The following TMLHE variants were observed in gnomAD, a reference collection of about 807,000 sequenced individuals.
TMLHE encodes trimethyllysine hydroxylase, epsilon.
In TMLHE, 18 loss-of-function variants were observed where a neutral mutation model predicts 25.7. That is an observed-to-expected ratio of 0.70 (90% CI 0.48 to 1.04). TMLHE has a LOEUF of 1.04. TMLHE is among the 50% of genes least tolerant of loss of function. The probability of loss-of-function intolerance (pLI) is 0.00; values close to 1 mark genes in which losing one functional copy is unlikely to be tolerated. For missense variants in TMLHE, 236 were observed against 259.0 expected, an observed-to-expected ratio of 0.91 and a Z score of 0.61; for synonymous variants, 105 against 97.0, an observed-to-expected ratio of 1.08 and a Z score of -0.49.
chrX:155,515,572 A>C (rs2067146913), intron 3 of TMLHE, among the ~76,000 whole-genome samples: 1 of 111,635 alleles, frequency 9.0e-6, no homozygotes, highest in Non-Finnish European at 1.9e-5. Context: ...ACTTTTTAGA[A>C]AGTCTACTTA....
At chrX:155,558,416 T>G (rs1473192525) in intron 1 of TMLHE, among the ~76,000 whole-genome samples, 6 of 111,858 alleles carry the variant, frequency 5.4e-5, no homozygotes, top group African/African-American at 1.9e-4. Context: ...GTTGAAATGA[T>G]ATGTTTATAT....
At chrX:155,594,891 C>T (rs2067712576) in intron 1 of TMLHE, among the ~76,000 whole-genome samples, 1 of 111,283 alleles carries the variant, frequency 9.0e-6, no homozygotes, top group Non-Finnish European at 1.9e-5. Context: ...GTTTGAACTG[C>T]ATGGGTCCAC....
chrX:155,605,886 C>T (rs2067783953), intron 1 of TMLHE, among the ~76,000 whole-genome samples: 1 of 111,350 alleles, frequency 9.0e-6, no homozygotes, highest in Admixed American at 9.5e-5. Flanking sequence ...CACCCATAGA[C>T]TCAAAGTAAA....
chrX:155,527,998 G>A (rs1166776682), intron 2 of TMLHE, among the ~76,000 whole-genome samples: 1 of 111,318 alleles, frequency 9.0e-6, no homozygotes, highest in Non-Finnish European at 1.9e-5. Flanking sequence ...TATCAATAAG[G>A]AAAGTCACCA....
intron 3 of TMLHE, among the ~76,000 whole-genome samples, chrX:155,515,928 G>C (rs781872962): frequency 9.3e-6 from 1 of 107,202 alleles, no homozygotes; most frequent in African/African-American, 3.4e-5. Context: ...GCTCTTTATA[G>C]AAAATGTTTG....
At chrX:155,581,712 C>T (rs1403622761) in intron 1 of TMLHE, among the ~76,000 whole-genome samples, 2 of 111,736 alleles carry the variant, frequency 1.8e-5, no homozygotes, top group Non-Finnish European at 3.8e-5. Flanking sequence ...TGCTCATGGA[C>T]AGGAAGAATG....
chrX:155,584,559 A>G (rs1231481407), intron 1 of TMLHE, among the ~76,000 whole-genome samples: 2 of 111,295 alleles, frequency 1.8e-5, no homozygotes, highest in Non-Finnish European at 1.9e-5. Context: ...TCTCCCCACC[A>G]CATTATAGTC....
intron 2 of TMLHE, 128 bp downstream of exon 2, chrX:155,544,968 A>T (rs1569562030): frequency 1.5e-6 from 1 of 664,171 alleles, no homozygotes; most frequent in East Asian, 3.4e-5. Flanking sequence ...AATGGTTAAG[A>T]TAGTAAATTT....
At chrX:155,582,550 A>G (rs2067636849) in intron 1 of TMLHE, among the ~76,000 whole-genome samples, 1 of 112,571 alleles carries the variant, frequency 8.9e-6, no homozygotes, top group East Asian at 2.8e-4. Context: ...ACATCTATGC[A>G]GCCAACAGAC....
chrX:155,549,932 T>G (rs1557339810), intron 1 of TMLHE, among the ~76,000 whole-genome samples: 1 of 109,439 alleles, frequency 9.1e-6, no homozygotes, highest in African/African-American at 3.4e-5. Context: ...TGCCCATATG[T>G]TCTCATTGTT....
intron 1 of TMLHE, among the ~76,000 whole-genome samples, chrX:155,568,181 T>A (rs1347092545): frequency 1.8e-4 from 11 of 61,235 alleles, no homozygotes; most frequent in African/African-American, 3.6e-4. Context: ...ACCAGGAGAT[T>A]ATATCCCCCA....
chrX:155,528,569 G>A (rs1248777843), intron 2 of TMLHE, among the ~76,000 whole-genome samples: 1 of 111,635 alleles, frequency 9.0e-6, no homozygotes, highest in Non-Finnish European at 1.9e-5. Context: ...CCACTTGTAA[G>A]TAAGAACATA....
chrX:155,603,141 C>A (rs1557347496), intron 1 of TMLHE, among the ~76,000 whole-genome samples: 1 of 111,086 alleles, frequency 9.0e-6, no homozygotes, highest in East Asian at 2.8e-4. Context: ...CCAGCCTGGG[C>A]AAAATAGGGA....
At chrX:155,610,744 G>A (rs1411564419) in intron 1 of TMLHE, among the ~76,000 whole-genome samples, 1 of 111,298 alleles carries the variant, frequency 9.0e-6, no homozygotes, top group Non-Finnish European at 1.9e-5. Context: ...AGAAGTGGAT[G>A]GATTTTTTAA....
chrX:155,608,748 T>G (rs1426613337), intron 1 of TMLHE, among the ~76,000 whole-genome samples: 5 of 112,028 alleles, frequency 4.5e-5, no homozygotes, highest in Admixed American at 2.8e-4. Flanking sequence ...GCAAAGGATA[T>G]GAACAGACAC....
intron 1 of TMLHE, among the ~76,000 whole-genome samples, chrX:155,546,966 C>G (rs2067349191): frequency 9.1e-6 from 1 of 110,456 alleles, no homozygotes; most frequent in African/African-American, 3.3e-5. Context: ...TCTTTGTAGT[C>G]TATGAAGTCT....
chrX:155,506,777 A>G (rs1469871254), intron 6 of TMLHE, 121 bp downstream of exon 6: 1 of 575,127 alleles, frequency 1.7e-6, no homozygotes, highest in African/African-American at 2.3e-5. Context: ...TTGATAATAA[A>G]AAGCTATAGA....
chrX:155,515,300 T>C (rs1557334615), intron 3 of TMLHE, among the ~76,000 whole-genome samples: 1 of 111,111 alleles, frequency 9.0e-6, no homozygotes, highest in Non-Finnish European at 1.9e-5. Flanking sequence ...AATTTTATCA[T>C]TTTAAAAATT....
At chrX:155,548,830 T>C (rs972889925) in intron 1 of TMLHE, among the ~76,000 whole-genome samples, 3 of 110,195 alleles carry the variant, frequency 2.7e-5, no homozygotes, top group Non-Finnish European at 5.7e-5. Context: ...ACACATATGG[T>C]CAATATGGTC....
Sources: allele counts gnomAD v4.1 joint callset (sites outside exome capture counted in the v4.1 genomes callset), GRCh38; gene constraint gnomAD v4.1.1; transcripts MANE v1.5; gene names NCBI Gene and HGNC (gene_info 2026-07-23, HGNC 2026-07-21).